Variants in ENTREP2 observed in about 807,000 individuals in gnomAD.
ENTREP2 encodes the protein endosomal transmembrane epsin interactor 2, also known as protein ENTREP2.
chr15:29,145,622 C>CAAAAAAAAA, the ENTREP2 span, among the ~76,000 whole-genome samples: 4 of 58,248 alleles, frequency 6.9e-5, no homozygotes, highest in African/African-American at 1.5e-4. Flanking sequence ...GACTCCATCT[C>CAAAAAAAAA]AAAAAAAAAA....
At chr15:29,296,080 G>T in the ENTREP2 span, among the ~76,000 whole-genome samples, 1 of 152,296 alleles carries the variant, frequency 6.6e-6, no homozygotes, top group Middle Eastern at 3.4e-3. Flanking sequence ...GCTTTGGATC[G>T]AACTGTAACT....
chr15:29,416,597 C>A, the ENTREP2 span, among the ~76,000 whole-genome samples: 1 of 152,158 alleles, frequency 6.6e-6, no homozygotes, highest in Middle Eastern at 3.2e-3. Context: ...GCAAAGACTT[C>A]ATGTCTAAAA....
the ENTREP2 span, among the ~76,000 whole-genome samples, chr15:29,559,882 GACC>G: frequency 6.6e-6 from 1 of 152,170 alleles, no homozygotes; most frequent in Admixed American, 6.6e-5. Context: ...TTCTCTGGGG[GACC>G]ACAGTTCCAT....
At chr15:29,321,643 C>A in the ENTREP2 span, among the ~76,000 whole-genome samples, 1 of 142,692 alleles carries the variant, frequency 7.0e-6, no homozygotes, top group African/African-American at 2.6e-5. Context: ...GAGTGAGACT[C>A]TGTCTCAAAA....
chr15:29,318,380 T>G, the ENTREP2 span, among the ~76,000 whole-genome samples: 77,783 of 151,820 alleles, frequency 0.51, 22,705 homozygotes, highest in African/African-American at 0.82. Flanking sequence ...GAGTGCAGTG[T>G]CGCGATCTCA....
the ENTREP2 span, among the ~76,000 whole-genome samples, chr15:29,185,277 C>G: frequency 6.6e-6 from 1 of 152,118 alleles, no homozygotes. Context: ...GGAACCAGTG[C>G]CTATCGGTTT....
the ENTREP2 span, among the ~76,000 whole-genome samples, chr15:29,349,107 C>G: frequency 1.3e-5 from 2 of 152,150 alleles, no homozygotes; most frequent in African/African-American, 4.8e-5. Context: ...CTTTCCAGAC[C>G]CCCCGAAAGT....
chr15:29,464,687 C>T, the ENTREP2 span, among the ~76,000 whole-genome samples: 1 of 152,240 alleles, frequency 6.6e-6, no homozygotes, highest in African/African-American at 2.4e-5. Context: ...CACAGTCGCT[C>T]GTGGACCCTA....
chr15:29,269,830 G>A, the ENTREP2 span: 109 of 922,260 alleles, frequency 1.2e-4, no homozygotes, highest in African/African-American at 1.8e-3. Flanking sequence ...ACTGCGTGCT[G>A]CGTCATGAAG....
At chr15:29,448,311 C>T in the ENTREP2 span, among the ~76,000 whole-genome samples, 25 of 152,224 alleles carry the variant, frequency 1.6e-4, no homozygotes, top group South Asian at 2.5e-3. Context: ...GGATTTAAAA[C>T]GAAGACACAC....
chr15:29,269,169 CAGGAGGCCCGT>C, the ENTREP2 span: 3 of 1,614,066 alleles, frequency 1.9e-6, no homozygotes, highest in Non-Finnish European at 2.5e-6. Flanking sequence ...AGACGATCAT[CAGGAGGCCCGT>C]AGTGGGCGTG....
At chr15:29,160,715 A>G in the ENTREP2 span, among the ~76,000 whole-genome samples, 1 of 149,988 alleles carries the variant, frequency 6.7e-6, no homozygotes, top group Non-Finnish European at 1.5e-5. Flanking sequence ...TCTCAAAAAA[A>G]AAAAAAAAAA....
the ENTREP2 span, among the ~76,000 whole-genome samples, chr15:29,142,434 C>A: frequency 6.6e-6 from 1 of 152,248 alleles, no homozygotes; most frequent in Non-Finnish European, 1.5e-5. Flanking sequence ...TGTCCAGAGA[C>A]AATTCTGTGG....
chr15:29,562,142 T>G, the ENTREP2 span, among the ~76,000 whole-genome samples: 2 of 152,162 alleles, frequency 1.3e-5, no homozygotes, highest in African/African-American at 4.8e-5. Flanking sequence ...CCTTCAAAAC[T>G]GTGGAAAACG....
the ENTREP2 span, among the ~76,000 whole-genome samples, chr15:29,561,819 TGAAA>T: frequency 6.6e-6 from 1 of 152,098 alleles, no homozygotes; most frequent in African/African-American, 2.4e-5. Flanking sequence ...GATGTGAAGT[TGAAA>T]GAGAGAGGTT....
chr15:29,149,166 C>T, the ENTREP2 span, among the ~76,000 whole-genome samples: 1 of 152,076 alleles, frequency 6.6e-6, no homozygotes, highest in Non-Finnish European at 1.5e-5. Context: ...CCACCAGGCC[C>T]GGCTCCTCTA....
chr15:29,499,631 C>T, the ENTREP2 span, among the ~76,000 whole-genome samples: 1 of 151,918 alleles, frequency 6.6e-6, no homozygotes, highest in Non-Finnish European at 1.5e-5. Context: ...TTGCTTTGTC[C>T]TCTCAAAGTG....
chr15:29,568,597 G>T, the ENTREP2 span, among the ~76,000 whole-genome samples: 1 of 151,704 alleles, frequency 6.6e-6, no homozygotes, highest in African/African-American at 2.4e-5. Flanking sequence ...CTAGCTACTT[G>T]CAAGGCAGAG....
At chr15:29,122,996 G>GT in the ENTREP2 span, 4 of 206,940 alleles carry the variant, frequency 1.9e-5, no homozygotes, top group Non-Finnish European at 2.9e-5. Context: ...TTTAGGTGAC[G>GT]TAAGTGTCGC....
Sources: allele counts gnomAD v4.1 joint callset (sites outside exome capture counted in the v4.1 genomes callset), GRCh38; gene constraint gnomAD v4.1.1; transcripts MANE v1.5; gene names NCBI Gene and HGNC (gene_info 2026-07-23, HGNC 2026-07-21).